Variants in KDM4C observed in about 807,000 individuals in gnomAD.
KDM4C encodes the protein lysine demethylase 4C.
A neutral mutation model predicts 129.3 loss-of-function variants in KDM4C; 81 were observed. The ratio of observed to expected loss-of-function variants is 0.63; its 90% CI spans 0.52 to 0.75. KDM4C has a LOEUF of 0.75. Among genes scored for constraint, KDM4C ranks in the 30% least tolerant of loss-of-function variants. The pLI, the probability that KDM4C is intolerant of heterozygous loss-of-function variation, is 0.00. For missense variants in KDM4C, 1,457 were observed against 1,304.0 expected (o/e 1.12, Z -1.81); for synonymous variants, 573 against 456.1 (o/e 1.26, Z -3.26).
At chr9:6,834,581 A>C in intron 4 of KDM4C, 1 of 728,330 alleles carries the variant, frequency 1.4e-6, no homozygotes, top group Non-Finnish European at 2.6e-6. Context: ...GCACCAGGGC[A>C]TGATGGTGGG....
chr9:6,764,648 G>C (rs927881223), intron 1 of KDM4C, among the ~76,000 whole-genome samples: 5 of 152,162 alleles, frequency 3.3e-5, no homozygotes, highest in African/African-American at 1.2e-4. Flanking sequence ...TGGTATTTCA[G>C]CTACTATGGT....
chr9:6,989,762 A>G (rs190707444), intron 11 of KDM4C, among the ~76,000 whole-genome samples: 1 of 152,124 alleles, frequency 6.6e-6, no homozygotes, highest in Admixed American at 6.5e-5. Context: ...TTTTATGAGA[A>G]TGCAATCTTA....
rs144490823 is a variant in KDM4C, at chr9:6,990,436, A to G, written c.1698A>G (p.Lys566=). The change falls in exon 12 of 22, where the codon AAA becomes AAG. Residue 566 remains lysine (K), a synonymous_variant. Transcript: ENST00000381309. ...KVPSIAEGEN[K]TSKSWRHPLS... ...ACTAGATAGCAGAGGGAGAGAACAA[A>G]ACCTCTAAGAGTTGGCGCCATCCAC... The G allele has an allele frequency of 1.4e-4, 225 of 1,613,442 alleles. No individual in the cohort carries two copies. In the East Asian group the frequency reaches 5.0e-3, roughly 36 times the overall value.
chr9:7,141,966 C>G (rs1841789062), intron 19 of KDM4C, among the ~76,000 whole-genome samples: 1 of 152,174 alleles, frequency 6.6e-6, no homozygotes, highest in South Asian at 2.1e-4. Context: ...AACTAACTTT[C>G]ACCCATTTGA....
rs77549139 is a variant in KDM4C at position 7,080,036 on chromosome 9, G to GA, written c.2425-23638dup. On this transcript the variant is annotated intron_variant, in intron 17 of 21. Coordinates refer to ENST00000381309, the MANE Select transcript of KDM4C (RefSeq NM_015061.6). ...AGAGATAGATTAGGTAATAAATACTGAAAAAAAAAAATGGCACTTCATCTA... is the reference window on the plus strand; with the variant it reads ...AGAGATAGATTAGGTAATAAATACTGAAAAAAAAAAAATGGCACTTCATCTA... Among the ~76,000 whole-genome samples, 557 of 146,830 alleles carry GA rather than the reference G, an allele frequency of 3.8e-3. 1 individual carries two copies. The highest frequency in any genetic ancestry group is 0.021 in the Middle Eastern group (6 of 282).
intron 8 of KDM4C, among the ~76,000 whole-genome samples, chr9:6,979,334 T>C (rs1816352669): frequency 6.6e-6 from 1 of 152,194 alleles, no homozygotes; most frequent in South Asian, 2.1e-4. Flanking sequence ...GAGGAACAGT[T>C]GGGACAATTT....
intron 17 of KDM4C, among the ~76,000 whole-genome samples, chr9:7,071,041 G>T (rs1023813581): frequency 1.3e-5 from 2 of 152,120 alleles, no homozygotes; most frequent in Non-Finnish European, 2.9e-5. Context: ...TGAAAAATTT[G>T]AAAGTTAATA....
chr9:7,151,139 T>A (rs1357136765), intron 19 of KDM4C, among the ~76,000 whole-genome samples: 1 of 151,962 alleles, frequency 6.6e-6, no homozygotes, highest in Non-Finnish European at 1.5e-5. Context: ...AGTGAGACCT[T>A]GTCTCTATAA....
intron 17 of KDM4C, among the ~76,000 whole-genome samples, chr9:7,075,476 A>G (rs187675540): frequency 1.3e-5 from 2 of 152,208 alleles, no homozygotes; most frequent in African/African-American, 4.8e-5. Flanking sequence ...CACTGACGGA[A>G]TAAGTTAGCT....
At chr9:7,088,230 G>A (rs1011415543) in intron 17 of KDM4C, among the ~76,000 whole-genome samples, 1 of 152,202 alleles carries the variant, frequency 6.6e-6, no homozygotes, top group Non-Finnish European at 1.5e-5. Context: ...GTGGGCAGGA[G>A]CCATGGGGCC....
chr9:7,111,779 T>G (rs891433347), intron 18 of KDM4C, among the ~76,000 whole-genome samples: 4 of 152,196 alleles, frequency 2.6e-5, no homozygotes, highest in Non-Finnish European at 5.9e-5. Context: ...ATGTGAAGAC[T>G]GTCTTTCATA....
chr9:6,853,089 A>G (rs1223615078), intron 5 of KDM4C, among the ~76,000 whole-genome samples: 2 of 151,746 alleles, frequency 1.3e-5, no homozygotes, highest in African/African-American at 2.4e-5. Context: ...GGGCCTGGCT[A>G]TAGGAGCGAT....
At chr9:6,965,704 G>A (rs1830841483) in intron 8 of KDM4C, among the ~76,000 whole-genome samples, 1 of 152,292 alleles carries the variant, frequency 6.6e-6, no homozygotes, top group South Asian at 2.1e-4. Context: ...AGACAAACAG[G>A]TCCTACTCCA....
At chr9:6,947,571 AT>A (rs1426370502) in intron 8 of KDM4C, among the ~76,000 whole-genome samples, 5 of 151,810 alleles carry the variant, frequency 3.3e-5, no homozygotes, top group Non-Finnish European at 7.4e-5. Flanking sequence ...AAATTTTATA[AT>A]TTTTTTGTAA....
chr9:7,013,836 G>C lies in KDM4C; in HGVS notation c.2017G>C (p.Asp673His). The change falls in exon 14 of 22, where the codon GAT becomes CAT. Residue 673 changes from aspartate to histidine, a missense_variant. By Grantham distance (81) the Asp-to-His change is moderately conservative. Coordinates refer to ENST00000381309, the MANE Select transcript of KDM4C (RefSeq NM_015061.6). ...ENDARWETKL[D>H]EVVTSEGKTK... Reference sequence around the variant, plus strand: ...TGATGCTAGATGGGAGACAAAATTAGATGAAGTCGTTACATCGGAGGGAAA... The same window carrying C: ...TGATGCTAGATGGGAGACAAAATTACATGAAGTCGTTACATCGGAGGGAAA... The C allele has an allele frequency of 6.2e-7, 1 of 1,613,986 alleles. No individual in the cohort carries two copies. Among genetic ancestry groups the C allele is most frequent in the Non-Finnish European group, 8.5e-7 (1 of 1,179,896 alleles).
In KDM4C at chr9:7,170,186, A is replaced by C. The variant is rs1033945345; in HGVS notation, c.2994+296A>C. On this transcript the variant is annotated intron_variant, in intron 21 of 21. Coordinates refer to ENST00000381309, the MANE Select transcript of KDM4C (RefSeq NM_015061.6). Reference sequence around the variant, plus strand: ...GAATGTGTGCTCTGTGTAAAACACCAGGAGCAAACAAAGATACCATCAAGG... The same window carrying C: ...GAATGTGTGCTCTGTGTAAAACACCCGGAGCAAACAAAGATACCATCAAGG... 45 of 1,253,864 alleles carry C rather than the reference A, an allele frequency of 3.6e-5. No individual in the cohort carries two copies. The Admixed American group carries it at 6.4e-4, about 18-fold the overall frequency. The allele number at this position is 1,253,864 out of a possible 1,614,324, so 77.7% of individuals were successfully genotyped here. A position where few individuals can be genotyped will look rare whatever the true frequency, so the allele number is the denominator to read the frequency against.
At chr9:6,831,381 T>TTTA (rs1834793373) in intron 4 of KDM4C, among the ~76,000 whole-genome samples, 2 of 120,146 alleles carry the variant, frequency 1.7e-5, no homozygotes, top group Non-Finnish European at 3.4e-5. Flanking sequence ...TTATTTATTT[T>TTTA]TTTTGAGACA....
At chr9:6,936,272 G>A (rs1824764457) in intron 8 of KDM4C, among the ~76,000 whole-genome samples, 1 of 152,130 alleles carries the variant, frequency 6.6e-6, no homozygotes, top group Non-Finnish European at 1.5e-5. Flanking sequence ...ACATATGTTA[G>A]AAAGATACTA....
At chr9:6,819,410 A>G (rs1350333086) in intron 4 of KDM4C, among the ~76,000 whole-genome samples, 2 of 152,234 alleles carry the variant, frequency 1.3e-5, no homozygotes, top group African/African-American at 4.8e-5. Flanking sequence ...CTGGTTTGTA[A>G]ACACGCAGTT....
Sources: allele counts gnomAD v4.1 joint callset (sites outside exome capture counted in the v4.1 genomes callset), GRCh38; gene constraint gnomAD v4.1.1; transcripts MANE v1.5; gene names NCBI Gene and HGNC (gene_info 2026-07-23, HGNC 2026-07-21).